Variants in CHD2 observed in about 807,000 individuals in gnomAD.
CHD2 encodes ATP-dependent chromatin remodeler CHD2.
A neutral mutation model predicts 243.9 loss-of-function variants in CHD2; 28 were observed. That is an observed-to-expected ratio of 0.11 (90% CI 0.09 to 0.16). The LOEUF is 0.16. Among genes scored for constraint, CHD2 ranks in the 10% least tolerant of loss-of-function variants. The pLI is 1.00. For synonymous variants in CHD2, 775 were observed against 779.0 expected (o/e 0.99, Z 0.09); for missense variants, 1,386 against 2,209.8 (o/e 0.63, Z 7.47).
At chr15:92,968,018 T>A (rs1390460255) in intron 17 of CHD2, among the ~76,000 whole-genome samples, 1 of 152,084 alleles carries the variant, frequency 6.6e-6, no homozygotes, top group Non-Finnish European at 1.5e-5. Context: ...ATTTTGCTTA[T>A]TTTGGGATCA....
In CHD2 at chr15:92,900,640, T is replaced by C. The variant is rs975095077; in HGVS notation, c.-256T>C. ...TGCGCTCTCCTAATGAGGTTTTTTT[T>C]CTTTCGGACCTGTTTTAGTATTAAT... On this transcript the variant is annotated 5_prime_UTR_variant, in exon 1 of 39. Coordinates refer to ENST00000394196, the MANE Select transcript of CHD2 (RefSeq NM_001271.4). The C allele has an allele frequency of 7.5e-6, 3 of 398,690 alleles. No individual in the cohort carries two copies. Among genetic ancestry groups the C allele is most frequent in the Admixed American group, 4.4e-5 (1 of 22,736 alleles). The allele number at this position is 398,690 out of a possible 1,614,324, so 24.7% of individuals were successfully genotyped here. A position where few individuals can be genotyped will look rare whatever the true frequency, so the allele number is the denominator to read the frequency against.
intron 37 of CHD2, among the ~76,000 whole-genome samples, chr15:93,015,491 C>G (rs892316895): frequency 4.6e-5 from 7 of 152,128 alleles, no homozygotes; most frequent in African/African-American, 9.7e-5. Flanking sequence ...GTTAAAACTG[C>G]TAATCTTGAA....
intron 13 of CHD2, 70 bp downstream of exon 13, chr15:92,949,146 T>C: frequency 6.3e-7 from 1 of 1,576,826 alleles, no homozygotes; most frequent in South Asian, 1.2e-5. Flanking sequence ...TGTCAAGAAT[T>C]TTTTTTTTCT....
intron 24 of CHD2, among the ~76,000 whole-genome samples, chr15:92,983,963 G>C (rs999743674): frequency 6.6e-6 from 1 of 152,092 alleles, no homozygotes; most frequent in African/African-American, 2.4e-5. Context: ...GTTCATCATG[G>C]AGTATTAGGT....
At chr15:92,947,084 G>T (rs927852887) in intron 12 of CHD2, 1 of 152,118 alleles carries the variant, frequency 6.6e-6, no homozygotes, top group Non-Finnish European at 1.5e-5. Flanking sequence ...GATGTGCTTG[G>T]GTCCTCAGTA....
chr15:93,006,560 A>T (rs1385657166), intron 34 of CHD2, among the ~76,000 whole-genome samples: 1 of 152,186 alleles, frequency 6.6e-6, no homozygotes, highest in Non-Finnish European at 1.5e-5. Context: ...GTTACTGTTT[A>T]TGTGCTTTAT....
rs200300321 is a variant in CHD2 at position 92,923,392 on chromosome 15, C to CTG, written c.63-928_63-927dup. Among the ~76,000 whole-genome samples, 1,242 of 152,062 alleles carry CTG rather than the reference C, an allele frequency of 8.2e-3. 57 individuals are homozygous for CTG. The highest frequency in any genetic ancestry group is 0.07 in the Admixed American group (1,067 of 15,266). On this transcript the variant is annotated intron_variant, in intron 2 of 38. Coordinates refer to ENST00000394196, the MANE Select transcript of CHD2 (RefSeq NM_001271.4). ...CCTCCCACCTGAGTTTCCCGAGTAGCTGGGATCGCAGGCATGCACCATCAT... is the reference window on the plus strand; with the variant it reads ...CCTCCCACCTGAGTTTCCCGAGTAGCTGTGGGATCGCAGGCATGCACCATCAT...
In CHD2 at chr15:93,012,458, T is replaced by C. The variant is rs772670206; in HGVS notation, c.4692+14T>C. The C allele has an allele frequency of 4.5e-6, 7 of 1,543,306 alleles. No individual in the cohort carries two copies. Among genetic ancestry groups the C allele is most frequent in the Non-Finnish European group, 5.3e-6 (6 of 1,130,552 alleles). On this transcript the variant is annotated intron_variant, in intron 36 of 38. Coordinates refer to ENST00000394196, the MANE Select transcript of CHD2 (RefSeq NM_001271.4). ...CAAGAAGAAGAGGTAAAGTACAAAT[T>C]CAGTCCTAATTCATACAAACAAATA...
intron 24 of CHD2, among the ~76,000 whole-genome samples, chr15:92,982,094 G>T (rs1353933017): frequency 6.6e-6 from 1 of 152,134 alleles, no homozygotes; most frequent in Non-Finnish European, 1.5e-5. Context: ...TCTAGTTTGA[G>T]GAAAGAACTT....
Position 92,970,531 on chromosome 15 carries a change from A to G in CHD2, c.2190-1234A>G, listed in dbSNP as rs796120862. Among the ~76,000 whole-genome samples the G allele has an allele frequency of 1.2e-4, 18 of 152,288 alleles. No homozygotes were observed. The East Asian group carries it at 3.5e-3, about 29-fold the overall frequency. On this transcript the variant is annotated intron_variant, in intron 17 of 38. Coordinates refer to ENST00000394196, the MANE Select transcript of CHD2 (RefSeq NM_001271.4). ...ATTATTATTATTTTTTAACATTTTA[A>G]TGCTTATCCTTCCTTTAACTTTTAA...
At chr15:92,910,592 C>T (rs1254812979) in intron 2 of CHD2, among the ~76,000 whole-genome samples, 1 of 152,100 alleles carries the variant, frequency 6.6e-6, no homozygotes, top group African/African-American at 2.4e-5. Context: ...GATGGGATTT[C>T]ACCATGTCGG....
rs534974901 is a variant in CHD2 at position 92,909,599 on chromosome 15, C to T, written c.62+8300C>T. ...CTGGATAATTTGTTATTGTGGGGAG[C>T]GTCTCATACACAGTGCGGTGCTGCA... On this transcript the variant is annotated intron_variant, in intron 2 of 38. Transcript: ENST00000394196. 7.2e-5 allele frequency among the ~76,000 whole-genome samples: 11 copies of T among 152,146 alleles called. 1 individual carries two copies. The East Asian group carries it at 1.5e-3, about 21-fold the overall frequency.
chr15:92,974,837 G>C (rs2053886665), intron 19 of CHD2, 42 bp from the exon 20 acceptor site: 2 of 1,575,764 alleles, frequency 1.3e-6, no homozygotes, highest in Non-Finnish European at 1.7e-6. Flanking sequence ...GAGTGTAGCT[G>C]ATCTTCCTAT....
rs555179233 is a variant in CHD2 at position 92,918,568 on chromosome 15, GA to G, written c.63-5751del. On this transcript the variant is annotated intron_variant, in intron 2 of 38. Transcript: ENST00000394196. ...AATTTTATTACTTTGTTATTTAGGT[GA>G]AGGCTTAAAGGACTCCACTCACTAA... 5.9e-5 allele frequency among the ~76,000 whole-genome samples: 9 copies of G among 152,178 alleles called. No homozygotes were observed. In the East Asian group the frequency reaches 1.7e-3, roughly 29 times the overall value.
chr15:92,963,802 A>G (rs1018439115), intron 16 of CHD2, among the ~76,000 whole-genome samples: 8 of 152,208 alleles, frequency 5.3e-5, no homozygotes, highest in Non-Finnish European at 1.0e-4. Flanking sequence ...GTTCTAGGAG[A>G]AAAAAATACA....
chr15:92,972,148 G>A (rs568678799), intron 18 of CHD2, 117 bp from the exon 19 acceptor site: 26 of 1,170,914 alleles, frequency 2.2e-5, no homozygotes, highest in Non-Finnish European at 3.1e-5. Context: ...GGTCAAGCAG[G>A]TTGCTAAGGG....
intron 7 of CHD2, among the ~76,000 whole-genome samples, chr15:92,939,919 G>T (rs1464381454): frequency 6.6e-6 from 1 of 152,152 alleles, no homozygotes. Flanking sequence ...AGTAGCAATA[G>T]CTCATTTGAA....
At chr15:93,006,384 T>A (rs2054322442) in intron 34 of CHD2, among the ~76,000 whole-genome samples, 1 of 152,072 alleles carries the variant, frequency 6.6e-6, no homozygotes, top group African/African-American at 2.4e-5. Flanking sequence ...CTCAGCCTCC[T>A]AAAATGCTGG....
chr15:92,938,036 T>C (rs1219455049), intron 6 of CHD2, among the ~76,000 whole-genome samples: 1 of 152,232 alleles, frequency 6.6e-6, no homozygotes, highest in Non-Finnish European at 1.5e-5. Flanking sequence ...CAAATTATGC[T>C]AATTTTTGAT....
Sources: allele counts gnomAD v4.1 joint callset (sites outside exome capture counted in the v4.1 genomes callset), GRCh38; gene constraint gnomAD v4.1.1; transcripts MANE v1.5; gene names NCBI Gene and HGNC (gene_info 2026-07-23, HGNC 2026-07-21).